Variants in RAD51B observed in about 807,000 individuals in gnomAD.
The protein encoded by RAD51B is DNA repair protein RAD51 homolog 2.
A neutral mutation model predicts 42.2 loss-of-function variants in RAD51B; 38 were observed. The ratio of observed to expected loss-of-function variants is 0.90; its 90% CI spans 0.70 to 1.18. The LOEUF is 1.18. Among genes scored for constraint, RAD51B ranks in the 50% most tolerant of loss-of-function variants. RAD51B has a pLI of 0.00. For missense variants in RAD51B, 373 were observed against 400.7 expected, an observed-to-expected ratio of 0.93 and a Z score of 0.59; for synonymous variants, 154 against 145.2, an observed-to-expected ratio of 1.06 and a Z score of -0.43.
chr14:68,316,942 C>T (rs1428262801), intron 8 of RAD51B, among the ~76,000 whole-genome samples: 1 of 152,036 alleles, frequency 6.6e-6, no homozygotes, highest in Non-Finnish European at 1.5e-5. Context: ...AGTCTTAGAA[C>T]TTCGTTGGAG....
intron 7 of RAD51B, among the ~76,000 whole-genome samples, chr14:68,175,865 GACAGTT>G: frequency 6.6e-6 from 1 of 152,310 alleles, no homozygotes. Context: ...AGTAAAGTCT[GACAGTT>G]CCAAGCCAAT....
intron 8 of RAD51B, among the ~76,000 whole-genome samples, chr14:68,302,693 T>C (rs1205363425): frequency 6.6e-6 from 1 of 152,234 alleles, no homozygotes; most frequent in African/African-American, 2.4e-5. Context: ...GCATTGTTTC[T>C]ATAGATATTA....
At chr14:67,856,791 C>G (rs1055353905) in intron 4 of RAD51B, among the ~76,000 whole-genome samples, 1 of 151,834 alleles carries the variant, frequency 6.6e-6, no homozygotes, top group Non-Finnish European at 1.5e-5. Context: ...CTCTTCAAAC[C>G]AATTATTAAC....
intron 7 of RAD51B, among the ~76,000 whole-genome samples, chr14:68,196,870 A>G (rs2079383521): frequency 6.6e-6 from 1 of 152,260 alleles, no homozygotes; most frequent in South Asian, 2.1e-4. Flanking sequence ...TTTATTCTCA[A>G]GGAGTTCTAC....
intron 7 of RAD51B, among the ~76,000 whole-genome samples, chr14:67,894,452 G>C (rs577729310): frequency 2.0e-4 from 31 of 152,144 alleles, no homozygotes; most frequent in Non-Finnish European, 3.7e-4. Flanking sequence ...TCCACCTACA[G>C]CACTTGTGTC....
chr14:68,351,010 C>T (rs1475440080), intron 8 of RAD51B, among the ~76,000 whole-genome samples: 1 of 152,204 alleles, frequency 6.6e-6, no homozygotes, highest in Non-Finnish European at 1.5e-5. Flanking sequence ...TTTTCAGTAG[C>T]TCCACTGAAT....
At chr14:68,044,615 A>C (rs1184252285) in intron 7 of RAD51B, among the ~76,000 whole-genome samples, 1 of 152,084 alleles carries the variant, frequency 6.6e-6, no homozygotes, top group East Asian at 1.9e-4. Flanking sequence ...CAGTATAATA[A>C]AAATTTATGT....
At chr14:68,151,133 AG>A (rs1489240479) in intron 7 of RAD51B, among the ~76,000 whole-genome samples, 2 of 151,740 alleles carry the variant, frequency 1.3e-5, no homozygotes, top group Admixed American at 1.3e-4. Flanking sequence ...TTTATCTGAG[AG>A]GTCTTTATTT....
At chr14:68,589,500 G>A (rs777645133) in intron 10 of RAD51B, among the ~76,000 whole-genome samples, 15 of 152,224 alleles carry the variant, frequency 9.9e-5, no homozygotes, top group Non-Finnish European at 2.1e-4. Context: ...AGCCCCTCCC[G>A]ACCTGGGAAC....
intron 8 of RAD51B, among the ~76,000 whole-genome samples, chr14:68,301,345 T>C (rs1183182011): frequency 1.3e-5 from 2 of 152,168 alleles, no homozygotes; most frequent in African/African-American, 4.8e-5. Context: ...AGGCCAGAGA[T>C]AGAATAAGCA....
At chr14:68,468,144 A>G (rs772127794) in intron 9 of RAD51B, 28 bp from the exon 10 acceptor site, 1 of 1,599,584 alleles carries the variant, frequency 6.3e-7, no homozygotes, top group East Asian at 2.2e-5. Flanking sequence ...CCTTTGACTA[A>G]CCCTAGAAAA....
At chr14:67,886,991 T>C in intron 6 of RAD51B, 30 bp from the exon 7 acceptor site, 1 of 1,333,808 alleles carries the variant, frequency 7.5e-7, no homozygotes, top group Non-Finnish European at 1.0e-6. Flanking sequence ...CTTAAATTTA[T>C]TGACTATTTT....
intron 3 of RAD51B, among the ~76,000 whole-genome samples, chr14:67,829,399 C>T (rs545029084): frequency 5.3e-5 from 8 of 152,064 alleles, no homozygotes; most frequent in Admixed American, 2.0e-4. Context: ...CCCACCTCCA[C>T]GCCTGGCTAA....
chr14:68,348,567 T>C (rs2082718834), intron 8 of RAD51B, among the ~76,000 whole-genome samples: 1 of 152,264 alleles, frequency 6.6e-6, no homozygotes, highest in African/African-American at 2.4e-5. Context: ...ATAATGCATA[T>C]GTTTGTTTAA....
chr14:67,872,987 T>C (rs1420441498), intron 5 of RAD51B, among the ~76,000 whole-genome samples: 1 of 152,154 alleles, frequency 6.6e-6, no homozygotes, highest in Non-Finnish European at 1.5e-5. Context: ...ATAAAAACCC[T>C]AGAAGAAAAC....
At chr14:68,346,370 C>A (rs545407848) in intron 8 of RAD51B, among the ~76,000 whole-genome samples, 4 of 152,194 alleles carry the variant, frequency 2.6e-5, no homozygotes, top group Non-Finnish European at 4.4e-5. Context: ...CATTCCTCCT[C>A]TTCTATTTCT....
rs549579031 is a variant in RAD51B, at chr14:68,595,677, A to G, written c.*1074A>G. 631 of 968,934 alleles carry G rather than the reference A, an allele frequency of 6.5e-4. 2 individuals are homozygous for G. Among genetic ancestry groups the G allele is most frequent in the Middle Eastern group, 5.4e-3 (12 of 2,224 alleles). The allele number at this position is 968,934 out of a possible 1,614,324, so 60.0% of individuals were successfully genotyped here. On this transcript the variant is annotated 3_prime_UTR_variant, in exon 11 of 11. Transcript: ENST00000487270. The stretch of plus-strand genomic sequence containing the variant: ...AATAGACACAACTAAATGTTCGACC[A>G]TATGGTATTGGTTAAATTAACATCT...
intron 8 of RAD51B, among the ~76,000 whole-genome samples, chr14:68,378,914 C>T (rs2083425024): frequency 6.6e-6 from 1 of 152,152 alleles, no homozygotes; most frequent in Non-Finnish European, 1.5e-5. Flanking sequence ...GCATGATCCC[C>T]ATTTTACAGA....
chr14:68,596,974 G>A (rs181686545), downstream of RAD51B, among the ~76,000 whole-genome samples: 13 of 152,314 alleles, frequency 8.5e-5, no homozygotes, highest in East Asian at 2.1e-3. Flanking sequence ...GTGAGATGGC[G>A]GCTTTTCTCG....
Sources: gnomAD v4.1 joint callset for allele counts (sites outside exome capture counted in the v4.1 genomes callset) on GRCh38, gnomAD v4.1.1 for gene constraint, MANE v1.5 for transcripts, NCBI Gene and HGNC (gene_info 2026-07-23, HGNC 2026-07-21) for gene names.